The following MACROD2 variants were observed in gnomAD, a reference collection of about 807,000 sequenced individuals.
The protein encoded by MACROD2 is ADP-ribose glycohydrolase MACROD2.
In MACROD2, 36 loss-of-function variants were observed where a neutral mutation model predicts 70.4. That is an observed-to-expected ratio of 0.51 (90% CI 0.39 to 0.68). The LOEUF is 0.68. Ranked by LOEUF, MACROD2 falls within the 30% of genes least tolerant of loss-of-function variation. MACROD2 has a pLI of 0.00. For synonymous variants in MACROD2, 172 were observed against 178.8 expected (o/e 0.96, Z 0.30); for missense variants, 496 against 538.4 (o/e 0.92, Z 0.78).
intron 3 of MACROD2, among the ~76,000 whole-genome samples, chr20:14,342,138 C>T (rs1216881329): frequency 6.6e-6 from 1 of 152,070 alleles, no homozygotes; most frequent in Non-Finnish European, 1.5e-5. Context: ...GAGCTTAAGC[C>T]CAATGCAGGA....
chr20:14,949,959 G>A (rs182048560), intron 5 of MACROD2, among the ~76,000 whole-genome samples: 29 of 152,230 alleles, frequency 1.9e-4, no homozygotes, highest in Admixed American at 7.2e-4. Flanking sequence ...TGGTCAAGTT[G>A]TGATTTCAGC....
intron 4 of MACROD2, among the ~76,000 whole-genome samples, chr20:14,502,405 G>T (rs972584048): frequency 6.6e-6 from 1 of 152,244 alleles, no homozygotes; most frequent in East Asian, 1.9e-4. Context: ...GGCACTGTGG[G>T]TCCCTCGGGT....
intron 5 of MACROD2, among the ~76,000 whole-genome samples, chr20:14,966,295 C>T (rs1012017387): frequency 5.3e-5 from 8 of 152,232 alleles, no homozygotes; most frequent in South Asian, 2.1e-4. Flanking sequence ...TAACCACCTC[C>T]GATGAAGATA....
chr20:15,419,384 A>AG (rs1432112979), intron 6 of MACROD2, among the ~76,000 whole-genome samples: 1 of 152,056 alleles, frequency 6.6e-6, no homozygotes, highest in Non-Finnish European at 1.5e-5. Context: ...AGTTGCTGTG[A>AG]GGGGGGCGTA....
intron 5 of MACROD2, among the ~76,000 whole-genome samples, chr20:15,161,875 A>T (rs138323306): frequency 4.3e-4 from 66 of 152,142 alleles, no homozygotes; most frequent in African/African-American, 1.5e-3. Flanking sequence ...TCAAAATAAG[A>T]TACTTTATTG....
Position 14,556,259 on chromosome 20 carries a change from C to T in MACROD2, c.301+62751C>T, listed in dbSNP as rs377259896. Among the ~76,000 whole-genome samples, 23 of 152,040 alleles carry T rather than the reference C, an allele frequency of 1.5e-4. 1 individual carries two copies. The highest frequency in any genetic ancestry group is 5.1e-4 in the African/African-American group (21 of 41,502). ...GCCTCATTCCTTCCGGGTTCTCTCC[C>T]TTATAACTAAAAATTTCTAGATACA... is the stretch of plus-strand genomic sequence containing the variant. On this transcript the variant is annotated intron_variant, in intron 4 of 17. Transcript: ENST00000684519.
At chr20:14,279,185 G>A (rs1378624833) in intron 3 of MACROD2, among the ~76,000 whole-genome samples, 2 of 152,166 alleles carry the variant, frequency 1.3e-5, no homozygotes, top group East Asian at 1.9e-4. Flanking sequence ...TGGAGTTAGA[G>A]CAAATATAAT....
chr20:15,529,425 A>AT (rs1320937244), intron 8 of MACROD2, among the ~76,000 whole-genome samples: 2 of 152,068 alleles, frequency 1.3e-5, no homozygotes, highest in East Asian at 3.9e-4. Context: ...CTATATATAT[A>AT]TTTGTGGCTG....
intron 5 of MACROD2, among the ~76,000 whole-genome samples, chr20:15,198,601 C>G (rs2076627508): frequency 1.3e-5 from 2 of 152,018 alleles, no homozygotes. Context: ...CCTGTGTAAA[C>G]TTTCTCATAA....
Position 14,523,813 on chromosome 20 carries a change from C to T in MACROD2, c.301+30305C>T, listed in dbSNP as rs145841514. On this transcript the variant is annotated intron_variant, in intron 4 of 17. Coordinates refer to ENST00000684519, the MANE Select transcript of MACROD2 (RefSeq NM_001351661.2). The stretch of plus-strand genomic sequence containing the variant: ...TAATTCTCAGTGCAGATCTTAACAC[C>T]GTATCTGAGTATTTTGTGTCTATAT... Among the ~76,000 whole-genome samples, 458 of 152,276 alleles carry T rather than the reference C, an allele frequency of 3.0e-3. 9 individuals carry two copies. Among genetic ancestry groups the T allele is most frequent in the Admixed American group, 0.028 (427 of 15,296 alleles).
At chr20:16,042,832 G>A (rs950025925) in intron 16 of MACROD2, among the ~76,000 whole-genome samples, 7 of 152,164 alleles carry the variant, frequency 4.6e-5, no homozygotes, top group African/African-American at 1.7e-4. Context: ...CAGTTTGCAG[G>A]TGAGAACACT....
At chr20:14,943,471 GT>G (rs2074406643) in intron 5 of MACROD2, among the ~76,000 whole-genome samples, 1 of 151,190 alleles carries the variant, frequency 6.6e-6, no homozygotes, top group Non-Finnish European at 1.5e-5. Flanking sequence ...TTACTTTAAA[GT>G]TTATTAAGTC....
In MACROD2 at chr20:15,479,333, C is replaced by CGG. The variant is rs1404429303; in HGVS notation, c.572-20439_572-20438dup. Among the ~76,000 whole-genome samples, 6 of 128,852 alleles carry CGG rather than the reference C, an allele frequency of 4.7e-5. No homozygotes were observed. The East Asian group carries it at 1.4e-3, about 31-fold the overall frequency. 84.5% of individuals were successfully genotyped at this position (128,852 alleles called of 152,430 possible). A position where few individuals can be genotyped will look rare whatever the true frequency, so the allele number is the denominator to read the frequency against. Reference sequence around the variant, plus strand: ...TGTCGCCCAGGCTGGAGTGCAGTGGCGGGATCTCGGCTCACTGCAAGCTCC... The same window carrying CGG: ...TGTCGCCCAGGCTGGAGTGCAGTGGCGGGGGATCTCGGCTCACTGCAAGCTCC... On this transcript the variant is annotated intron_variant, in intron 7 of 17. Coordinates refer to ENST00000684519, the MANE Select transcript of MACROD2 (RefSeq NM_001351661.2).
At chr20:14,884,786 C>T (rs140948680) in intron 5 of MACROD2, among the ~76,000 whole-genome samples, 90 of 152,210 alleles carry the variant, frequency 5.9e-4, no homozygotes, top group Middle Eastern at 3.4e-3. Flanking sequence ...GAAACAGAAA[C>T]GTTAAAACAA....
intron 8 of MACROD2, among the ~76,000 whole-genome samples, chr20:15,772,784 A>C (rs2051657794): frequency 6.6e-6 from 1 of 152,142 alleles, no homozygotes; most frequent in East Asian, 1.9e-4. Flanking sequence ...AGAAATCGCC[A>C]CTCAAGAACT....
intron 4 of MACROD2, among the ~76,000 whole-genome samples, chr20:14,509,706 T>C (rs2085008128): frequency 6.6e-6 from 1 of 151,916 alleles, no homozygotes; most frequent in Admixed American, 6.6e-5. Context: ...TTAATACAAG[T>C]TAAAAGCTCA....
intron 4 of MACROD2, among the ~76,000 whole-genome samples, chr20:14,592,569 G>A (rs1195804512): frequency 2.6e-5 from 4 of 152,056 alleles, no homozygotes; most frequent in South Asian, 4.1e-4. Flanking sequence ...GACCACAGGC[G>A]CAGGCCACCA....
intron 3 of MACROD2, among the ~76,000 whole-genome samples, chr20:14,389,927 G>C (rs1288056608): frequency 6.6e-6 from 1 of 152,098 alleles, no homozygotes; most frequent in Non-Finnish European, 1.5e-5. Context: ...AGAAAGAAAG[G>C]GCACCCAAAT....
intron 8 of MACROD2, among the ~76,000 whole-genome samples, chr20:15,645,412 A>G (rs2049525802): frequency 6.6e-6 from 1 of 152,196 alleles, no homozygotes; most frequent in African/African-American, 2.4e-5. Context: ...CTTTTGCAGG[A>G]ACTCTGAGGT....
Sources: allele counts gnomAD v4.1 joint callset (sites outside exome capture counted in the v4.1 genomes callset), GRCh38; gene constraint gnomAD v4.1.1; transcripts MANE v1.5; gene names NCBI Gene and HGNC (gene_info 2026-07-23, HGNC 2026-07-21).